The following USP34 variants were observed in gnomAD, a reference collection of about 807,000 sequenced individuals.
The protein encoded by USP34 is ubiquitin carboxyl-terminal hydrolase 34.
USP34 carries 70 observed loss-of-function variants against 460.3 expected under a neutral mutation model. The ratio of observed to expected loss-of-function variants is 0.15; its 90% CI spans 0.13 to 0.19. The LOEUF (loss-of-function observed/expected upper bound fraction) is 0.19. USP34 is among the 10% of genes least tolerant of loss of function. The probability of loss-of-function intolerance (pLI) is 1.00; values close to 1 mark genes in which losing one functional copy is unlikely to be tolerated. For synonymous variants in USP34, 1,647 were observed against 1,405.3 expected, an observed-to-expected ratio of 1.17 and a Z score of -3.85; for missense variants, 3,985 against 4,236.2, an observed-to-expected ratio of 0.94 and a Z score of 1.65.
At chr2:61,419,188 C>CT (rs957177672) in intron 2 of USP34, among the ~76,000 whole-genome samples, 47 of 146,616 alleles carry the variant, frequency 3.2e-4, no homozygotes, top group Non-Finnish European at 2.6e-4. Context: ...TCCAAGGCCA[C>CT]TTTTTTTTTT....
chr2:61,266,074 C>T lies in USP34; in HGVS notation c.5527G>A (p.Ala1843Thr), dbSNP rs1410215138. ...ATCTCTACTAACAAATCGTAAGCGG[C>T]AGCTCTTGAAGAATGTGATTTGCAC... ...PKCKSHSSRA[A>T]AYDLLVEMVK... Residue 1843 changes from alanine (A) to threonine (T), a missense_variant, in exon 42 of 80, where the codon GCC (alanine) becomes ACC (threonine). By Grantham distance (58) the Ala-to-Thr change is moderately conservative. Transcript: ENST00000398571. 1.2e-6 allele frequency: 2 copies of T among 1,613,958 alleles called. No individual in the cohort carries two copies. The highest frequency in any genetic ancestry group is 1.1e-5 in the South Asian group (1 of 91,058).
At chr2:61,284,531 A>G (rs1689631197) in intron 35 of USP34, among the ~76,000 whole-genome samples, 1 of 152,212 alleles carries the variant, frequency 6.6e-6, no homozygotes, top group South Asian at 2.1e-4. Context: ...TAACATATCA[A>G]TGTTAAATTC....
Position 61,223,051 on chromosome 2 carries a change from A to G in USP34, c.7749+9T>C. On this transcript the variant is annotated intron_variant, in intron 64 of 79. Transcript: ENST00000398571. ...CCAAAAATCTTTAAGACTGTTCCTT[A>G]GCACTTACATGTTCTGCAAGTCGAT... 6.2e-7 allele frequency: 1 copy of G among 1,606,268 alleles called. No individual in the cohort carries two copies. The highest frequency in any genetic ancestry group is 8.5e-7 in the Non-Finnish European group (1 of 1,174,764).
At chr2:61,363,566 G>C (rs936496033) in intron 10 of USP34, among the ~76,000 whole-genome samples, 7 of 152,162 alleles carry the variant, frequency 4.6e-5, no homozygotes, top group Non-Finnish European at 1.0e-4. Flanking sequence ...AAAGTAATTT[G>C]TTGCACTATA....
Position 61,442,016 on chromosome 2 carries a change from C to T in USP34, c.44-21183G>A, listed in dbSNP as rs1014808184. ...TTTTGACAAAGGTGCCAAGAATGTT[C>T]ACTGGGGAAAGGACAGTCTCTCCAA... On this transcript the variant is annotated intron_variant, in intron 1 of 79. Coordinates refer to ENST00000398571, the MANE Select transcript of USP34 (RefSeq NM_014709.4). Among the ~76,000 whole-genome samples the T allele has an allele frequency of 7.2e-5, 11 of 152,048 alleles. No homozygotes were observed. In the East Asian group the frequency reaches 2.1e-3, roughly 29 times the overall value.
chr2:61,293,421 G>C (rs1290314742), intron 33 of USP34, 43 bp downstream of exon 33: 3 of 1,460,562 alleles, frequency 2.1e-6, no homozygotes, highest in Admixed American at 1.8e-5. Context: ...ATTTCAAATG[G>C]GATAACTACT....
intron 18 of USP34, among the ~76,000 whole-genome samples, chr2:61,336,809 CAAAAAAAAAAA>C (rs10593128): frequency 2.8e-4 from 18 of 65,050 alleles, no homozygotes; most frequent in African/African-American, 1.0e-3. Flanking sequence ...GACTCCATCT[CAAAAAAAAAAA>C]AAAAAAAAAA....
chr2:61,414,315 G>C (rs974227259), intron 2 of USP34, among the ~76,000 whole-genome samples: 19 of 151,260 alleles, frequency 1.3e-4, no homozygotes, highest in African/African-American at 3.9e-4. Context: ...AAAATAACAA[G>C]GGCTACTGCT....
At chr2:61,203,068 T>C (rs1245817396) in intron 75 of USP34, 72 bp downstream of exon 75, 1 of 1,356,708 alleles carries the variant, frequency 7.4e-7, no homozygotes, top group African/African-American at 1.5e-5. Context: ...TCTCATAATT[T>C]TTCTCCCCTT....
At chr2:61,424,405 A>T (rs1573027823) in intron 1 of USP34, among the ~76,000 whole-genome samples, 1 of 152,230 alleles carries the variant, frequency 6.6e-6, no homozygotes, top group Admixed American at 6.5e-5. Flanking sequence ...TACTCGGTGC[A>T]TGACTGTACT....
chr2:61,253,507 C>A (rs569733807), intron 48 of USP34, among the ~76,000 whole-genome samples: 2 of 152,262 alleles, frequency 1.3e-5, no homozygotes, highest in South Asian at 4.1e-4. Flanking sequence ...TTGACTATGT[C>A]CACCTAACAA....
At chr2:61,235,395 A>T (rs1688038459) in intron 57 of USP34, among the ~76,000 whole-genome samples, 1 of 147,460 alleles carries the variant, frequency 6.8e-6, no homozygotes, top group Admixed American at 6.9e-5. Flanking sequence ...GCACAATCTC[A>T]GCTCACTACA....
At chr2:61,390,848 G>A (rs1266163108) in intron 5 of USP34, among the ~76,000 whole-genome samples, 3 of 151,888 alleles carry the variant, frequency 2.0e-5, no homozygotes, top group Admixed American at 6.6e-5. Flanking sequence ...TGTAATCCCA[G>A]CACTCTGGGA....
chr2:61,421,278 C>T (rs1694348464), intron 1 of USP34, among the ~76,000 whole-genome samples: 1 of 152,174 alleles, frequency 6.6e-6, no homozygotes, highest in Admixed American at 6.5e-5. Flanking sequence ...CTTAGTATTC[C>T]AAGAACCAGT....
At chr2:61,288,654 A>G (rs748178876) in intron 34 of USP34, 23 bp downstream of exon 34, 1 of 1,604,362 alleles carries the variant, frequency 6.2e-7, no homozygotes, top group Non-Finnish European at 8.5e-7. Flanking sequence ...ATTCATCATT[A>G]AACATTAATT....
intron 20 of USP34, among the ~76,000 whole-genome samples, chr2:61,325,673 A>G (rs1343179676): frequency 1.3e-5 from 2 of 152,166 alleles, no homozygotes; most frequent in Non-Finnish European, 2.9e-5. Context: ...ACTACAACAA[A>G]GTTTACTTTC....
intron 8 of USP34, among the ~76,000 whole-genome samples, chr2:61,371,558 G>A (rs900740440): frequency 2.6e-5 from 4 of 151,730 alleles, no homozygotes; most frequent in Admixed American, 1.3e-4. Flanking sequence ...GAGTCAAAAC[G>A]TTAAAAAATT....
intron 75 of USP34, among the ~76,000 whole-genome samples, chr2:61,202,250 G>A (rs1359258616): frequency 2.0e-5 from 3 of 152,160 alleles, no homozygotes; most frequent in Non-Finnish European, 4.4e-5. Flanking sequence ...AGAGGGCTAC[G>A]ACTGATGAGG....
intron 1 of USP34, among the ~76,000 whole-genome samples, chr2:61,441,802 C>CAAAAAAA (rs70963429): frequency 4.0e-4 from 39 of 97,312 alleles, no homozygotes; most frequent in African/African-American, 1.2e-3. Context: ...GACTGCATTA[C>CAAAAAAA]AAAAAAAAAA....
Sources: gnomAD v4.1 joint callset for allele counts (sites outside exome capture counted in the v4.1 genomes callset) on GRCh38, gnomAD v4.1.1 for gene constraint, MANE v1.5 for transcripts, NCBI Gene and HGNC (gene_info 2026-07-23, HGNC 2026-07-21) for gene names.